STEAP3: variants seen among roughly 807,000 people sequenced by gnomAD.
The protein encoded by STEAP3 is STEAP3 metalloreductase.
Under a neutral mutation model 34.9 loss-of-function variants are expected in STEAP3, and 35 were observed. That is an observed-to-expected ratio of 1.00 (90% CI 0.76 to 1.33). The LOEUF is 1.33. STEAP3 is among the 40% of genes most tolerant of loss of function. The probability of loss-of-function intolerance (pLI) is 0.00; values close to 1 mark genes in which losing one functional copy is unlikely to be tolerated. For missense variants in STEAP3, 652 were observed against 667.6 expected (o/e 0.98, Z 0.26); for synonymous variants, 281 against 301.6 (o/e 0.93, Z 0.71).
intron 4 of STEAP3, among the ~76,000 whole-genome samples, chr2:119,250,374 T>G (rs1176248152): frequency 6.6e-6 from 1 of 152,222 alleles, no homozygotes; most frequent in African/African-American, 2.4e-5. Context: ...GATCTTGACC[T>G]TGAGCAAGTC....
At chr2:119,245,367 C>T (rs776415480) in intron 2 of STEAP3, 122 bp from the exon 3 acceptor site, 19 of 1,408,004 alleles carry the variant, frequency 1.3e-5, no homozygotes, top group Admixed American at 2.3e-5. Context: ...TGGTAGCACT[C>T]GGTGAACACC....
chr2:119,224,285 G>A (rs1309060933), intron 1 of STEAP3, among the ~76,000 whole-genome samples: 1 of 152,222 alleles, frequency 6.6e-6, no homozygotes, highest in African/African-American at 2.4e-5. Flanking sequence ...GCTGGTAGCT[G>A]TGGGCGGGGA....
chr2:119,231,845 T>C (rs987942371), intron 2 of STEAP3, among the ~76,000 whole-genome samples: 1 of 152,126 alleles, frequency 6.6e-6, no homozygotes, highest in African/African-American at 2.4e-5. Flanking sequence ...AATAGAAATC[T>C]ACCAATTAGA....
At chr2:119,256,738 A>T (rs142687821) in intron 5 of STEAP3, among the ~76,000 whole-genome samples, 7 of 152,156 alleles carry the variant, frequency 4.6e-5, no homozygotes, top group Admixed American at 3.9e-4. Context: ...CCAGATGTCA[A>T]TATGGAGGAG....
intron 1 of STEAP3, among the ~76,000 whole-genome samples, chr2:119,230,419 T>A (rs1676883638): frequency 6.6e-6 from 1 of 152,154 alleles, no homozygotes; most frequent in Non-Finnish European, 1.5e-5. Context: ...CAAGTAAAGA[T>A]GACAATGAAG....
chr2:119,238,863 C>G (rs1036670063), intron 2 of STEAP3, among the ~76,000 whole-genome samples: 3 of 152,180 alleles, frequency 2.0e-5, no homozygotes, highest in African/African-American at 7.2e-5. Flanking sequence ...TGTGTGCAGT[C>G]AGGCAGAGAG....
intron 1 of STEAP3, among the ~76,000 whole-genome samples, chr2:119,229,666 A>G (rs1558741191): frequency 6.6e-6 from 1 of 151,854 alleles, no homozygotes; most frequent in Non-Finnish European, 1.5e-5. Context: ...AAGCCGGGAG[A>G]GATTGTCAGG....
At chr2:119,247,051 A>G (rs145088886) in intron 3 of STEAP3, among the ~76,000 whole-genome samples, 2 of 152,294 alleles carry the variant, frequency 1.3e-5, no homozygotes, top group East Asian at 3.9e-4. Flanking sequence ...AAACTGACCA[A>G]TGCAGTGTCA....
At chr2:119,252,737 A>C (rs2104835326) in intron 4 of STEAP3, among the ~76,000 whole-genome samples, 1 of 152,282 alleles carries the variant, frequency 6.6e-6, no homozygotes, top group East Asian at 1.9e-4. Context: ...TGAGAATCTC[A>C]TGGACTCCTA....
At chr2:119,228,368 T>C (rs1337006360) in intron 1 of STEAP3, among the ~76,000 whole-genome samples, 1 of 152,138 alleles carries the variant, frequency 6.6e-6, no homozygotes, top group African/African-American at 2.4e-5. Context: ...AGGGGGGCTT[T>C]CTGGGTGACT....
At chr2:119,250,250 G>T (rs976733793) in intron 4 of STEAP3, among the ~76,000 whole-genome samples, 1 of 152,222 alleles carries the variant, frequency 6.6e-6, no homozygotes, top group Non-Finnish European at 1.5e-5. Context: ...CCACAGAAAG[G>T]AGTAAGAAAG....
At chr2:119,240,340 G>C (rs1055714971) in intron 2 of STEAP3, among the ~76,000 whole-genome samples, 5 of 152,242 alleles carry the variant, frequency 3.3e-5, no homozygotes, top group Non-Finnish European at 5.9e-5. Context: ...GAGGCACCCC[G>C]TTCTTGGCCT....
At chr2:119,251,206 T>C (rs1048973547) in intron 4 of STEAP3, among the ~76,000 whole-genome samples, 19 of 152,120 alleles carry the variant, frequency 1.2e-4, no homozygotes, top group Admixed American at 9.8e-4. Context: ...TGCCAGCCCA[T>C]GGGCACCTCA....
chr2:119,232,418 G>A (rs899460337), intron 2 of STEAP3, among the ~76,000 whole-genome samples: 4 of 152,166 alleles, frequency 2.6e-5, no homozygotes, highest in Non-Finnish European at 2.9e-5. Flanking sequence ...ACTTCGCCTC[G>A]CTGGCACTTC....
In STEAP3 at chr2:119,250,419, T is replaced by A. The variant is rs544155480; in HGVS notation, c.1050+2213T>A. On this transcript the variant is annotated intron_variant, in intron 4 of 5. Coordinates refer to ENST00000393110, the MANE Select transcript of STEAP3 (RefSeq NM_182915.3). ...CTTTTGTCCTCGAGGCCCTGATGTG[T>A]AGATCAAGCTCTCTCCTAGTGCTAA... Among the ~76,000 whole-genome samples, 22 of 152,328 alleles carry A rather than the reference T, an allele frequency of 1.4e-4. No individual in the cohort carries two copies. The South Asian group carries it at 4.4e-3, about 30-fold the overall frequency.
chr2:119,233,895 C>G (rs966975953), intron 2 of STEAP3, among the ~76,000 whole-genome samples: 10 of 152,124 alleles, frequency 6.6e-5, no homozygotes, highest in African/African-American at 2.2e-4. Context: ...TGGAGCTGGC[C>G]CATGGCAGGT....
chr2:119,233,196 C>T (rs1676998298), intron 2 of STEAP3, among the ~76,000 whole-genome samples: 1 of 152,228 alleles, frequency 6.6e-6, no homozygotes, highest in African/African-American at 2.4e-5. Flanking sequence ...CCTCCAAAAA[C>T]CCTGAAGCCA....
intron 2 of STEAP3, among the ~76,000 whole-genome samples, chr2:119,241,565 A>G (rs1047819828): frequency 1.3e-5 from 2 of 152,208 alleles, no homozygotes; most frequent in African/African-American, 2.4e-5. Flanking sequence ...AGCACCCTAG[A>G]CTGCTGGGGA....
intron 2 of STEAP3, chr2:119,244,652 A>G (rs1310229430): frequency 6.6e-6 from 1 of 152,184 alleles, no homozygotes; most frequent in Admixed American, 6.5e-5. Context: ...GCCTACCTTC[A>G]TACTTAAAGG....
Sources: allele counts gnomAD v4.1 joint callset (sites outside exome capture counted in the v4.1 genomes callset), GRCh38; gene constraint gnomAD v4.1.1; transcripts MANE v1.5; gene names NCBI Gene and HGNC (gene_info 2026-07-23, HGNC 2026-07-21).